Variants in LRP1B observed in about 807,000 individuals in gnomAD.
The protein encoded by LRP1B is LDL receptor related protein 1B.
Under a neutral mutation model 556.6 loss-of-function variants are expected in LRP1B, and 217 were observed. The ratio of observed to expected loss-of-function variants is 0.39; its 90% CI spans 0.35 to 0.44. The LOEUF is 0.44. Ranked by LOEUF, LRP1B falls within the 20% of genes least tolerant of loss-of-function variation. The pLI is 1.00. For missense variants in LRP1B, 5,053 were observed against 5,620.8 expected, an observed-to-expected ratio of 0.90 and a Z score of 3.23; for synonymous variants, 2,047 against 1,865.8, an observed-to-expected ratio of 1.10 and a Z score of -2.50.
intron 1 of LRP1B, among the ~76,000 whole-genome samples, chr2:142,012,251 C>T (rs1424208379): frequency 6.6e-6 from 1 of 152,024 alleles, no homozygotes; most frequent in East Asian, 1.9e-4. Context: ...CAAAGTCAAA[C>T]ATTCATATGG....
chr2:140,410,604 CAATAA>C (rs1684933661), intron 66 of LRP1B, among the ~76,000 whole-genome samples: 1 of 151,910 alleles, frequency 6.6e-6, no homozygotes, highest in African/African-American at 2.4e-5. Flanking sequence ...ATAAAGGTGC[CAATAA>C]AATTCTCATT....
intron 2 of LRP1B, among the ~76,000 whole-genome samples, chr2:141,553,894 C>T (rs1685853920): frequency 9.2e-6 from 1 of 108,246 alleles, no homozygotes; most frequent in African/African-American, 3.0e-5. Flanking sequence ...TATAATATAT[C>T]TATATTAATA....
chr2:141,093,360 T>G (rs1237501414), intron 7 of LRP1B, among the ~76,000 whole-genome samples: 1 of 152,096 alleles, frequency 6.6e-6, no homozygotes, highest in Non-Finnish European at 1.5e-5. Flanking sequence ...CAAAGGAGAA[T>G]AAAATGTGTC....
At chr2:141,043,401 C>T (rs537840609) in intron 11 of LRP1B, among the ~76,000 whole-genome samples, 34 of 151,776 alleles carry the variant, frequency 2.2e-4, no homozygotes, top group African/African-American at 7.2e-4. Context: ...ACAAAAGAAG[C>T]GGCAAAATTA....
At chr2:141,345,659 T>A (rs1453023981) in intron 3 of LRP1B, among the ~76,000 whole-genome samples, 2 of 35,120 alleles carry the variant, frequency 5.7e-5, no homozygotes, top group African/African-American at 2.2e-4. Context: ...CTGGCTAATT[T>A]TTTTTTTTTT....
intron 41 of LRP1B, among the ~76,000 whole-genome samples, chr2:140,686,000 C>T (rs980471260): frequency 1.3e-5 from 2 of 152,080 alleles, no homozygotes; most frequent in African/African-American, 2.4e-5. Flanking sequence ...AAAGACTGAA[C>T]TTCATGGTGT....
At position 141,425,188 on chromosome 2, in the gene LRP1B, C is replaced by T. The variant is rs145860429; in HGVS notation, c.343+55208G>A. On this transcript the variant is annotated intron_variant, in intron 3 of 90. Coordinates refer to ENST00000389484, the MANE Select transcript of LRP1B (RefSeq NM_018557.3). Reference sequence around the variant, plus strand: ...TGCGGTATTTGGTTTTCTGTCCTTGCGATAGTTTACTGAGAATGATGATTT... The same window carrying T: ...TGCGGTATTTGGTTTTCTGTCCTTGTGATAGTTTACTGAGAATGATGATTT... Among the ~76,000 whole-genome samples, 407 of 151,864 alleles carry T rather than the reference C, an allele frequency of 2.7e-3. 3 individuals are homozygous for T. The highest frequency in any genetic ancestry group is 0.01 in the Middle Eastern group (3 of 294).
At chr2:141,710,974 G>A (rs1014761882) in intron 2 of LRP1B, among the ~76,000 whole-genome samples, 2 of 152,096 alleles carry the variant, frequency 1.3e-5, no homozygotes, top group African/African-American at 4.8e-5. Context: ...ATTTGTTCCA[G>A]GAGTAACCTG....
At chr2:140,871,749 G>A (rs893938537) in intron 25 of LRP1B, among the ~76,000 whole-genome samples, 3 of 152,118 alleles carry the variant, frequency 2.0e-5, no homozygotes, top group African/African-American at 7.2e-5. Flanking sequence ...AGCAATGGCT[G>A]TCACCCCATG....
intron 2 of LRP1B, among the ~76,000 whole-genome samples, chr2:141,517,029 A>AAAAAAAAAAAAAAAAAACAAAAAAAC (rs772472942): frequency 1.1e-5 from 1 of 90,192 alleles, no homozygotes; most frequent in Non-Finnish European, 2.1e-5. Flanking sequence ...AAAAAAAAAA[A>AAAAAAAAAAAAAAAAAACAAAAAAAC]AAAGTAAATC....
At chr2:141,384,157 T>C (rs1196361232) in intron 3 of LRP1B, among the ~76,000 whole-genome samples, 1 of 151,986 alleles carries the variant, frequency 6.6e-6, no homozygotes, top group Non-Finnish European at 1.5e-5. Context: ...TCTAGTTACA[T>C]GCCAAAGCTA....
At chr2:141,798,516 G>A (rs1695896016) in intron 2 of LRP1B, among the ~76,000 whole-genome samples, 2 of 151,868 alleles carry the variant, frequency 1.3e-5, no homozygotes, top group South Asian at 4.2e-4. Flanking sequence ...AGACCATCCT[G>A]GCCAACATGA....
intron 7 of LRP1B, among the ~76,000 whole-genome samples, chr2:141,166,566 T>C (rs1291104144): frequency 1.3e-5 from 2 of 151,898 alleles, no homozygotes; most frequent in East Asian, 1.9e-4. Context: ...TATTTTAAAA[T>C]ATACAATAAG....
chr2:141,135,506 C>T (rs1257136846), intron 7 of LRP1B, among the ~76,000 whole-genome samples: 1 of 151,962 alleles, frequency 6.6e-6, no homozygotes, highest in Non-Finnish European at 1.5e-5. Flanking sequence ...ACGTTTGAAG[C>T]AACACATGCA....
At chr2:140,830,119 T>G (rs1691663127) in intron 31 of LRP1B, among the ~76,000 whole-genome samples, 1 of 151,520 alleles carries the variant, frequency 6.6e-6, no homozygotes, top group South Asian at 2.1e-4. Context: ...GAATAAAAAA[T>G]ACTCCATCAA....
At chr2:141,535,038 C>A (rs548831891) in intron 2 of LRP1B, among the ~76,000 whole-genome samples, 1 of 152,270 alleles carries the variant, frequency 6.6e-6, no homozygotes, top group East Asian at 1.9e-4. Flanking sequence ...TTTTACACAG[C>A]CATCAATTCC....
At chr2:140,968,703 G>A (rs1696313888) in intron 18 of LRP1B, among the ~76,000 whole-genome samples, 1 of 152,126 alleles carries the variant, frequency 6.6e-6, no homozygotes, top group African/African-American at 2.4e-5. Flanking sequence ...TGCTTTGAAT[G>A]TATCCCAGAG....
chr2:140,399,924 G>C (rs964540906), intron 66 of LRP1B, among the ~76,000 whole-genome samples: 1 of 152,078 alleles, frequency 6.6e-6, no homozygotes, highest in African/African-American at 2.4e-5. Flanking sequence ...TGTCAATTTT[G>C]TTTTTCCTTG....
At chr2:142,046,498 C>A (rs1485521432) in intron 1 of LRP1B, among the ~76,000 whole-genome samples, 1 of 151,978 alleles carries the variant, frequency 6.6e-6, no homozygotes, top group African/African-American at 2.4e-5. Context: ...GTAATCAACA[C>A]TCTTTCTCCA....
Sources: allele counts gnomAD v4.1 joint callset (sites outside exome capture counted in the v4.1 genomes callset), GRCh38; gene constraint gnomAD v4.1.1; transcripts MANE v1.5; gene names NCBI Gene and HGNC (gene_info 2026-07-23, HGNC 2026-07-21).